CSMD2: variants seen among roughly 807,000 people sequenced by gnomAD.
CSMD2 encodes the protein CUB and Sushi multiple domains 2, also known as CUB and sushi domain-containing protein 2.
CSMD2 carries 130 observed loss-of-function variants against 398.5 expected under a neutral mutation model. The observed-to-expected ratio is 0.33, with a 90% CI of 0.28 to 0.38. The LOEUF is 0.38. Among genes scored for constraint, CSMD2 ranks in the 10% least tolerant of loss-of-function variants. CSMD2 has a pLI of 1.00. For synonymous variants in CSMD2, 1,828 were observed against 1,908.5 expected (o/e 0.96, Z 1.10); for missense variants, 3,829 against 4,764.9 (o/e 0.80, Z 5.78).
intron 46 of CSMD2, among the ~76,000 whole-genome samples, chr1:33,584,071 T>C (rs934587662): frequency 6.6e-6 from 1 of 152,192 alleles, no homozygotes; most frequent in Non-Finnish European, 1.5e-5. Flanking sequence ...ACTTCCTAGA[T>C]AAGTTGTGGG....
chr1:33,738,768 A>C (rs1430863967), intron 15 of CSMD2, among the ~76,000 whole-genome samples: 1 of 152,120 alleles, frequency 6.6e-6, no homozygotes, highest in East Asian at 1.9e-4. Context: ...GCAGCTTGAA[A>C]GACCCGAAAA....
At chr1:33,677,916 C>T (rs1047806079) in intron 25 of CSMD2, among the ~76,000 whole-genome samples, 2 of 126,830 alleles carry the variant, frequency 1.6e-5, no homozygotes, top group African/African-American at 3.1e-5. Flanking sequence ...AATGAGAACA[C>T]GTGGACACAG....
intron 53 of CSMD2, among the ~76,000 whole-genome samples, chr1:33,561,632 A>G (rs868200386): frequency 1.3e-5 from 2 of 152,134 alleles, no homozygotes; most frequent in Non-Finnish European, 2.9e-5. Flanking sequence ...CGGCTGTTAA[A>G]CCCAGTGGGC....
intron 15 of CSMD2, among the ~76,000 whole-genome samples, chr1:33,731,617 G>A (rs1189413692): frequency 6.6e-6 from 1 of 151,948 alleles, no homozygotes; most frequent in African/African-American, 2.4e-5. Context: ...TAAATGACCC[G>A]ACTTCTGCAA....
intron 12 of CSMD2, among the ~76,000 whole-genome samples, chr1:33,780,956 C>T (rs979207687): frequency 2.6e-5 from 4 of 152,240 alleles, no homozygotes; most frequent in Non-Finnish European, 5.9e-5. Context: ...ATGTGCTTGG[C>T]ATCTGACAAG....
At chr1:33,945,386 G>C (rs78332281) in intron 3 of CSMD2, among the ~76,000 whole-genome samples, 6 of 152,144 alleles carry the variant, frequency 3.9e-5, no homozygotes, top group African/African-American at 1.4e-4. Flanking sequence ...CTGACCCAGA[G>C]GGAAGAGGTA....
chr1:34,133,308 C>A (rs749740079), intron 1 of CSMD2, among the ~76,000 whole-genome samples: 28 of 152,140 alleles, frequency 1.8e-4, no homozygotes, highest in Non-Finnish European at 2.5e-4. Context: ...GAAAAGCAAG[C>A]CTTGCAAAAT....
In CSMD2 at chr1:33,536,519, G is replaced by T. The variant is rs533723882; in HGVS notation, c.9879+503C>A. 7.2e-5 allele frequency among the ~76,000 whole-genome samples: 11 copies of T among 152,286 alleles called. No individual in the cohort carries two copies. The East Asian group carries it at 7.7e-4, about 11-fold the overall frequency. On this transcript the variant is annotated intron_variant, in intron 62 of 70. Transcript: ENST00000373381. ...ATTACAGGCGTGAGCCACCGCACCC[G>T]GCCATCCTTTTCTCTGTTCAATGTG...
chr1:34,134,267 T>C (rs2994599), intron 1 of CSMD2, among the ~76,000 whole-genome samples: 142,971 of 152,056 alleles, frequency 0.94, 67,497 homozygotes, highest in East Asian at 1. Context: ...CAACCCATTA[T>C]AGTAATAGTC....
At chr1:34,014,813 C>T (rs917212340) in intron 3 of CSMD2, among the ~76,000 whole-genome samples, 2 of 152,182 alleles carry the variant, frequency 1.3e-5, no homozygotes, top group Admixed American at 1.3e-4. Context: ...GTTTGCATAA[C>T]CTTTATAGTG....
intron 55 of CSMD2, among the ~76,000 whole-genome samples, chr1:33,550,900 T>A (rs1160041971): frequency 6.6e-6 from 1 of 152,190 alleles, no homozygotes; most frequent in Admixed American, 6.5e-5. Flanking sequence ...ACACCAGAAT[T>A]GAGATGTCTA....
At chr1:33,894,108 C>G (rs924581121) in intron 5 of CSMD2, among the ~76,000 whole-genome samples, 2 of 152,172 alleles carry the variant, frequency 1.3e-5, no homozygotes, top group African/African-American at 4.8e-5. Flanking sequence ...GCCTACACCA[C>G]AGGTTTCTGT....
intron 5 of CSMD2, among the ~76,000 whole-genome samples, chr1:33,903,227 T>C (rs567712629): frequency 2.0e-5 from 3 of 152,286 alleles, no homozygotes; most frequent in Admixed American, 6.5e-5. Flanking sequence ...TTGAGCCTAA[T>C]TGATTTCTTA....
At position 33,559,071 on chromosome 1, in the gene CSMD2, A is replaced by G. The variant is rs577071173; in HGVS notation, c.8554+229T>C. On this transcript the variant is annotated intron_variant, in intron 54 of 70. Transcript: ENST00000373381. This position sits in a 1 kb window ranked among gnomAD's most constrained non-coding sequence, Gnocchi z 4.0. ...TGAAAGGTAAAAAAGACGACTTGAA[A>G]GATAAAACTTAAGTTTTGCTTTCCT... Among the ~76,000 whole-genome samples the G allele has an allele frequency of 2.0e-5, 3 of 152,378 alleles. No homozygotes were observed. The South Asian group carries it at 6.2e-4, about 32-fold the overall frequency.
intron 3 of CSMD2, among the ~76,000 whole-genome samples, chr1:33,977,612 A>C: frequency 6.6e-6 from 1 of 151,254 alleles, no homozygotes; most frequent in Non-Finnish European, 1.5e-5. Flanking sequence ...CCCTCACTGC[A>C]CCTCCCCATC....
chr1:34,024,307 A>G (rs1011365955), intron 3 of CSMD2, among the ~76,000 whole-genome samples: 1 of 152,254 alleles, frequency 6.6e-6, no homozygotes, highest in African/African-American at 2.4e-5. Context: ...GGTACACTGT[A>G]TCTGCAAGCA....
chr1:34,102,955 G>A lies in CSMD2; in HGVS notation c.188-13762C>T, dbSNP rs1660129269. ...CCAGTAAAATACAATCTCCATGAGAGTGGGGCACCATTTTTTTCTCTGCTC... is the reference window on the plus strand; with the variant it reads ...CCAGTAAAATACAATCTCCATGAGAATGGGGCACCATTTTTTTCTCTGCTC... On this transcript the variant is annotated intron_variant, in intron 1 of 70. Coordinates refer to ENST00000373381, the MANE Select transcript of CSMD2 (RefSeq NM_001281956.2). Among the ~76,000 whole-genome samples, 4 of 152,164 alleles carry A rather than the reference G, an allele frequency of 2.6e-5. No homozygotes were observed. In the South Asian group the frequency reaches 8.3e-4, roughly 32 times the overall value.
At chr1:33,943,259 C>T (rs1644733734) in intron 3 of CSMD2, among the ~76,000 whole-genome samples, 1 of 152,198 alleles carries the variant, frequency 6.6e-6, no homozygotes, top group Non-Finnish European at 1.5e-5. Flanking sequence ...CCTAGGCTGC[C>T]CCCATCCTTG....
intron 59 of CSMD2, 105 bp downstream of exon 59, chr1:33,541,025 G>C: frequency 8.6e-7 from 1 of 1,156,612 alleles, no homozygotes; most frequent in African/African-American, 1.5e-5. Context: ...TAAGATGTTA[G>C]GGCTGGCCTT....
Sources: gnomAD v4.1 joint callset for allele counts (sites outside exome capture counted in the v4.1 genomes callset) on GRCh38, gnomAD v4.1.1 for gene constraint, Gnocchi (gnomAD v3.1) non-coding constraint, MANE v1.5 for transcripts, NCBI Gene and HGNC (gene_info 2026-07-23, HGNC 2026-07-21) for gene names.